The following PTPRM variants were observed in gnomAD, a reference collection of about 807,000 sequenced individuals.
PTPRM encodes receptor-type tyrosine-protein phosphatase mu.
PTPRM carries 47 observed loss-of-function variants against 186.7 expected under a neutral mutation model. The observed-to-expected ratio is 0.25, with a 90% CI of 0.20 to 0.32. The LOEUF (loss-of-function observed/expected upper bound fraction) is 0.32. Ranked by LOEUF, PTPRM falls within the 10% of genes least tolerant of loss-of-function variation. The pLI, the probability that PTPRM is intolerant of heterozygous loss-of-function variation, is 1.00. For missense variants in PTPRM, 1,494 were observed against 1,865.0 expected, an observed-to-expected ratio of 0.80 and a Z score of 3.66; for synonymous variants, 668 against 674.9, an observed-to-expected ratio of 0.99 and a Z score of 0.16.
intron 6 of PTPRM, among the ~76,000 whole-genome samples, chr18:7,953,455 A>G (rs895892530): frequency 3.3e-5 from 5 of 152,228 alleles, no homozygotes; most frequent in African/African-American, 1.2e-4. Flanking sequence ...GTTAAGGCAG[A>G]GCTGTTTAAA....
chr18:7,929,544 C>A (rs2051359035), intron 5 of PTPRM, among the ~76,000 whole-genome samples: 1 of 152,156 alleles, frequency 6.6e-6, no homozygotes. Context: ...GTTAGTGAAT[C>A]TTTGTGATGT....
At chr18:7,870,549 A>G (rs1439229479) in intron 2 of PTPRM, among the ~76,000 whole-genome samples, 2 of 152,004 alleles carry the variant, frequency 1.3e-5, no homozygotes, top group African/African-American at 4.8e-5. Flanking sequence ...TGGTATATGT[A>G]CTCTCTAGTA....
intron 7 of PTPRM, among the ~76,000 whole-genome samples, chr18:8,042,700 G>C (rs993803497): frequency 2.0e-5 from 3 of 152,022 alleles, no homozygotes; most frequent in Non-Finnish European, 4.4e-5. Flanking sequence ...CAAGCAGTGG[G>C]AGGCATCTCA....
intron 10 of PTPRM, 100 bp from the exon 11 acceptor site, chr18:8,088,649 T>G: frequency 1.1e-6 from 1 of 930,418 alleles, no homozygotes; most frequent in Non-Finnish European, 1.7e-6. Flanking sequence ...GTAAAGTAAA[T>G]GCACTGTGTT....
chr18:8,088,118 T>G (rs566582255), intron 10 of PTPRM, among the ~76,000 whole-genome samples: 86 of 152,288 alleles, frequency 5.6e-4, no homozygotes, highest in African/African-American at 2.0e-3. Context: ...TTGAGATGTA[T>G]AGAAGCTCTT....
chr18:8,180,948 G>C (rs73941040), intron 14 of PTPRM, among the ~76,000 whole-genome samples: 2 of 151,964 alleles, frequency 1.3e-5, no homozygotes, highest in Non-Finnish European at 2.9e-5. Context: ...GATGGCGGGT[G>C]GGGGGGCCCT....
intron 14 of PTPRM, among the ~76,000 whole-genome samples, chr18:8,238,987 TTTTAA>T (rs1177997681): frequency 6.6e-6 from 1 of 151,024 alleles, no homozygotes; most frequent in Non-Finnish European, 1.5e-5. Context: ...TCTTTTTTTT[TTTTAA>T]TTTAATTTTA....
chr18:7,752,463 G>A (rs935177051), intron 1 of PTPRM, among the ~76,000 whole-genome samples: 2 of 151,958 alleles, frequency 1.3e-5, no homozygotes, highest in South Asian at 2.1e-4. Flanking sequence ...TGCTCTTGTC[G>A]CCCAGGCTGG....
chr18:8,233,540 T>G (rs1237549159), intron 14 of PTPRM, among the ~76,000 whole-genome samples: 1 of 152,222 alleles, frequency 6.6e-6, no homozygotes, highest in Non-Finnish European at 1.5e-5. Context: ...TAAGAGTTAT[T>G]TGAACATTAT....
At chr18:8,203,884 C>T (rs910269531) in intron 14 of PTPRM, among the ~76,000 whole-genome samples, 4 of 152,078 alleles carry the variant, frequency 2.6e-5, no homozygotes, top group African/African-American at 4.8e-5. Context: ...TTCTTATGCT[C>T]GGTCAGGAAA....
At position 8,061,316 on chromosome 18, in the gene PTPRM, T is replaced by A. The variant is rs1167704917; in HGVS notation, c.1133-8370T>A. Among the ~76,000 whole-genome samples, 29 of 125,898 alleles carry A rather than the reference T, an allele frequency of 2.3e-4. No homozygotes were observed. In the South Asian group the frequency reaches 2.7e-3, roughly 12 times the overall value. 82.6% of individuals were successfully genotyped at this position (125,898 alleles called of 152,430 possible). On this transcript the variant is annotated intron_variant, in intron 7 of 32. Coordinates refer to ENST00000580170, the MANE Select transcript of PTPRM (RefSeq NM_001105244.2). ...TTGTTTTCCATTTGCTTGGTAGATC[T>A]TCCTCCATCCTTTTATTTTGAGCCT...
At chr18:8,236,899 CT>C (rs2094351783) in intron 14 of PTPRM, among the ~76,000 whole-genome samples, 1 of 152,108 alleles carries the variant, frequency 6.6e-6, no homozygotes, top group Non-Finnish European at 1.5e-5. Context: ...CATTGGATAT[CT>C]TTTTTTATTA....
At position 7,592,402 on chromosome 18, in the gene PTPRM, A is replaced by G. The variant is rs1013444711; in HGVS notation, c.73+24511A>G. 8.5e-5 allele frequency among the ~76,000 whole-genome samples: 13 copies of G among 152,290 alleles called. 1 individual carries two copies. In the Middle Eastern group the frequency reaches 0.01, roughly 120 times the overall value. On this transcript the variant is annotated intron_variant, in intron 1 of 32. Coordinates refer to ENST00000580170, the MANE Select transcript of PTPRM (RefSeq NM_001105244.2). ...TGTAACTCATCATATATTCCACTCAACAGGTCAGGAGAGCCATGGGGATGC... is the reference window on the plus strand; with the variant it reads ...TGTAACTCATCATATATTCCACTCAGCAGGTCAGGAGAGCCATGGGGATGC...
intron 1 of PTPRM, among the ~76,000 whole-genome samples, chr18:7,733,290 A>G (rs187904330): frequency 1.3e-5 from 2 of 151,908 alleles, no homozygotes; most frequent in South Asian, 2.1e-4. Context: ...CTTGGTTTCC[A>G]TGTGTTCTCA....
rs1468085658 is a variant in PTPRM, at chr18:8,088,777, G to A, written c.1782G>A (p.Glu594=). Residue 594 remains glutamate, a synonymous_variant, in exon 11 of 33, where the codon GAG becomes GAA. Coordinates refer to ENST00000580170, the MANE Select transcript of PTPRM (RefSeq NM_001105244.2). The part of the protein sequence containing the change: ...SAPSMPAYEL[E]TPLNQTDNTV... ...CCTCTATGCCAGCTTATGAACTTGA[G>A]ACACCTTTGAATCAAACTGACAATA... The A allele has an allele frequency of 3.1e-6, 5 of 1,613,094 alleles. No homozygotes were observed. The highest frequency in any genetic ancestry group is 1.7e-4 in the Middle Eastern group (1 of 6,056).
At chr18:8,212,708 G>A (rs1301694169) in intron 14 of PTPRM, among the ~76,000 whole-genome samples, 1 of 152,168 alleles carries the variant, frequency 6.6e-6, no homozygotes, top group Non-Finnish European at 1.5e-5. Flanking sequence ...TCAGGAGCCT[G>A]AGGCAGAAGG....
intron 7 of PTPRM, among the ~76,000 whole-genome samples, chr18:8,016,530 CAAAAA>C (rs563624187): frequency 1.4e-5 from 1 of 70,212 alleles, no homozygotes; most frequent in African/African-American, 5.1e-5. Context: ...AAGAGTCTGT[CAAAAA>C]AAAAAAAAAA....
chr18:7,984,596 T>TACACAC (rs1468373372), intron 7 of PTPRM, among the ~76,000 whole-genome samples: 17 of 117,990 alleles, frequency 1.4e-4, no homozygotes, highest in Middle Eastern at 9.5e-3. Flanking sequence ...TATATATATA[T>TACACAC]ATATATACAC....
intron 5 of PTPRM, among the ~76,000 whole-genome samples, chr18:7,943,727 C>T (rs2052343389): frequency 6.6e-6 from 1 of 152,142 alleles, no homozygotes; most frequent in Non-Finnish European, 1.5e-5. Context: ...CACTTCAGAG[C>T]CCGTCGGCAC....
Sources: gnomAD v4.1 joint callset for allele counts (sites outside exome capture counted in the v4.1 genomes callset) on GRCh38, gnomAD v4.1.1 for gene constraint, MANE v1.5 for transcripts, NCBI Gene and HGNC (gene_info 2026-07-23, HGNC 2026-07-21) for gene names.